LDLRAD4: variants seen among roughly 807,000 people sequenced by gnomAD.
The protein encoded by LDLRAD4 is low density lipoprotein receptor class A domain containing 4, also known as low-density lipoprotein receptor class A domain-containing protein 4.
A neutral mutation model predicts 17.0 loss-of-function variants in LDLRAD4; 5 were observed. That is an observed-to-expected ratio of 0.29 (90% CI 0.15 to 0.62). The LOEUF (loss-of-function observed/expected upper bound fraction) is 0.62. LDLRAD4 is among the 20% of genes least tolerant of loss of function. The pLI is 0.84. For missense variants in LDLRAD4, 340 were observed against 424.7 expected, an observed-to-expected ratio of 0.80 and a Z score of 1.75; for synonymous variants, 168 against 171.8, an observed-to-expected ratio of 0.98 and a Z score of 0.17.
At chr18:13,483,524 G>A (rs995932387) in intron 3 of LDLRAD4, among the ~76,000 whole-genome samples, 2 of 152,332 alleles carry the variant, frequency 1.3e-5, no homozygotes, top group South Asian at 2.1e-4. Context: ...AGCATGGTGG[G>A]TGGGAGCCCT....
intron 2 of LDLRAD4, among the ~76,000 whole-genome samples, chr18:13,390,929 C>A (rs188759598): frequency 6.6e-6 from 1 of 152,308 alleles, no homozygotes; most frequent in African/African-American, 2.4e-5. Flanking sequence ...CATCTGTCTG[C>A]CCACATAGTT....
In LDLRAD4 at chr18:13,622,139, G is replaced by A. The variant is rs1466122517; in HGVS notation, c.336+868G>A. ...AGCATCCCTCTTCAGGAACAGGGCT[G>A]TGCAGTTCCGGCTCCCACCCTGACT... On this transcript the variant is annotated intron_variant, in intron 4 of 5. Transcript: ENST00000359446. The surrounding 1 kb of genome is among the most constrained non-coding windows in gnomAD (Gnocchi z 5.3). Among the ~76,000 whole-genome samples, 2 of 152,186 alleles carry A rather than the reference G, an allele frequency of 1.3e-5. No individual in the cohort carries two copies. The highest frequency in any genetic ancestry group is 4.8e-5 in the African/African-American group (2 of 41,440).
chr18:13,456,363 C>A (rs757438844), intron 3 of LDLRAD4, among the ~76,000 whole-genome samples: 1 of 152,212 alleles, frequency 6.6e-6, no homozygotes, highest in Non-Finnish European at 1.5e-5. Context: ...CGCCTTCCCT[C>A]CTGCTCCCTG....
At chr18:13,641,899 G>C (rs2042595534) in intron 4 of LDLRAD4, 2 of 985,418 alleles carry the variant, frequency 2.0e-6, no homozygotes, top group African/African-American at 3.5e-5. Flanking sequence ...GTGCCCCGCA[G>C]ATGGACCTGG....
At chr18:13,310,872 T>C (rs2047195809) in intron 1 of LDLRAD4, among the ~76,000 whole-genome samples, 1 of 152,202 alleles carries the variant, frequency 6.6e-6, no homozygotes. Flanking sequence ...AGACTTTTGC[T>C]AAGGAGATGA....
intron 2 of LDLRAD4, among the ~76,000 whole-genome samples, chr18:13,427,967 C>T (rs1004825607): frequency 6.6e-6 from 1 of 152,196 alleles, no homozygotes; most frequent in Non-Finnish European, 1.5e-5. Context: ...CAGGCTTTTA[C>T]ATCTATTCAT....
At chr18:13,559,699 C>A (rs2094520397) in intron 3 of LDLRAD4, among the ~76,000 whole-genome samples, 1 of 152,254 alleles carries the variant, frequency 6.6e-6, no homozygotes, top group Non-Finnish European at 1.5e-5. Flanking sequence ...TGTCTAGAGA[C>A]CAACATCACA....
chr18:13,421,258 G>T (rs894652974), intron 2 of LDLRAD4: 1 of 152,326 alleles, frequency 6.6e-6, no homozygotes, highest in Non-Finnish European at 1.5e-5. Flanking sequence ...CAGATCATTC[G>T]TGTCCTGGGC....
chr18:13,407,663 C>T (rs1453963384), intron 2 of LDLRAD4, among the ~76,000 whole-genome samples: 1 of 152,204 alleles, frequency 6.6e-6, no homozygotes, highest in Non-Finnish European at 1.5e-5. Flanking sequence ...CTCAGAGAAT[C>T]TTTGCCTGGC....
chr18:13,624,918 C>T, intron 4 of LDLRAD4, among the ~76,000 whole-genome samples: 1 of 152,206 alleles, frequency 6.6e-6, no homozygotes, highest in East Asian at 1.9e-4. Flanking sequence ...ATGCTGCCAT[C>T]CTCATGGCTT....
chr18:13,324,190 T>C (rs957874188), intron 1 of LDLRAD4, among the ~76,000 whole-genome samples: 1 of 151,012 alleles, frequency 6.6e-6, no homozygotes, highest in Admixed American at 6.6e-5. Flanking sequence ...CAGGCTGAAG[T>C]GCAGTGGCAC....
At chr18:13,521,071 A>C (rs1462256434) in intron 3 of LDLRAD4, 1 of 152,232 alleles carries the variant, frequency 6.6e-6, no homozygotes, top group Non-Finnish European at 1.5e-5. Flanking sequence ...TTAATGAGTC[A>C]GTCTCCCTAC....
chr18:13,301,086 G>C (rs1173501934), intron 1 of LDLRAD4, among the ~76,000 whole-genome samples: 1 of 151,924 alleles, frequency 6.6e-6, no homozygotes, highest in Non-Finnish European at 1.5e-5. Context: ...GTCCGTGGTT[G>C]GGGGGGTACA....
intron 3 of LDLRAD4, among the ~76,000 whole-genome samples, chr18:13,554,146 T>C (rs1292937387): frequency 6.6e-6 from 1 of 152,216 alleles, no homozygotes; most frequent in Non-Finnish European, 1.5e-5. Flanking sequence ...CTGCAAATAG[T>C]TATTGAGCCA....
chr18:13,390,573 T>G (rs930452169), intron 2 of LDLRAD4, among the ~76,000 whole-genome samples: 1 of 152,124 alleles, frequency 6.6e-6, no homozygotes, highest in African/African-American at 2.4e-5. Context: ...TTGGCTCACT[T>G]TAAAGTCTGG....
At chr18:13,380,825 T>G (rs1026330) in intron 1 of LDLRAD4, among the ~76,000 whole-genome samples, 1 of 152,098 alleles carries the variant, frequency 6.6e-6, no homozygotes, top group Non-Finnish European at 1.5e-5. Context: ...AACTACATTA[T>G]GCTGAACAAG....
rs147749844 is a variant in LDLRAD4 at position 13,434,084 on chromosome 18, G to C, written c.41-4160G>C. 1.9e-3 allele frequency among the ~76,000 whole-genome samples: 283 copies of C among 152,242 alleles called. 1 individual carries two copies. Among genetic ancestry groups the C allele is most frequent in the African/African-American group, 6.5e-3 (269 of 41,526 alleles). ...TAGGTCCCTCTCAGCATTAAGATTT[G>C]ATGACTCTGGGATAACTCCACAACA... On this transcript the variant is annotated intron_variant, in intron 2 of 5. Coordinates refer to ENST00000359446, the Ensembl canonical transcript of LDLRAD4.
intron 3 of LDLRAD4, among the ~76,000 whole-genome samples, chr18:13,502,906 C>T (rs1402292887): frequency 6.6e-6 from 1 of 152,232 alleles, no homozygotes; most frequent in Non-Finnish European, 1.5e-5. Context: ...GAGGTCAGTG[C>T]ACACAGCGGC....
At chr18:13,545,664 G>T (rs1601270299) in intron 3 of LDLRAD4, among the ~76,000 whole-genome samples, 1 of 152,272 alleles carries the variant, frequency 6.6e-6, no homozygotes, top group Middle Eastern at 3.4e-3. Context: ...AACAAGCTGC[G>T]GGAACTGAGG....
Sources: gnomAD v4.1 joint callset for allele counts (sites outside exome capture counted in the v4.1 genomes callset) on GRCh38, gnomAD v4.1.1 for gene constraint, Gnocchi (gnomAD v3.1) non-coding constraint, MANE v1.5 for transcripts, NCBI Gene and HGNC (gene_info 2026-07-23, HGNC 2026-07-21) for gene names.